AGK: variants seen among roughly 807,000 people sequenced by gnomAD.
AGK encodes acylglycerol kinase.
Under a neutral mutation model 66.4 loss-of-function variants are expected in AGK, and 52 were observed. The ratio of observed to expected loss-of-function variants is 0.78; its 90% CI spans 0.63 to 0.99. AGK has a LOEUF of 0.99. Ranked by LOEUF, AGK falls within the 50% of genes least tolerant of loss-of-function variation. The pLI, the probability that AGK is intolerant of heterozygous loss-of-function variation, is 0.00. For synonymous variants in AGK, 182 were observed against 181.1 expected, an observed-to-expected ratio of 1.00 and a Z score of -0.04; for missense variants, 451 against 506.6, an observed-to-expected ratio of 0.89 and a Z score of 1.05.
At chr7:141,621,877 C>A in intron 9 of AGK, 76 bp downstream of exon 9, 1 of 1,092,780 alleles carries the variant, frequency 9.2e-7, no homozygotes, top group Non-Finnish European at 1.4e-6. Flanking sequence ...TAAAATGTAG[C>A]AGTTCAAATG....
At position 141,604,965 on chromosome 7, in the gene AGK, AT is replaced by A. The variant is rs547865876; in HGVS notation, c.297+3698del. ...TTAGGCAACTTTAAAAAATTCCTCA[AT>A]TTTTTTTTTTTTAAGAACGTCCTTC... On this transcript the variant is annotated intron_variant, in intron 5 of 15. Coordinates refer to ENST00000649286, the MANE Select transcript of AGK (RefSeq NM_018238.4). Among the ~76,000 whole-genome samples, 738 of 145,024 alleles carry A rather than the reference AT, an allele frequency of 5.1e-3. 1 individual carries two copies. Among genetic ancestry groups the A allele is most frequent in the African/African-American group, 0.013 (511 of 39,812 alleles).
intron 8 of AGK, among the ~76,000 whole-genome samples, chr7:141,618,261 G>A (rs987544514): frequency 1.3e-5 from 2 of 152,106 alleles, no homozygotes; most frequent in Non-Finnish European, 2.9e-5. Context: ...CATTTGATAC[G>A]TCCAAAGCAG....
intron 2 of AGK, among the ~76,000 whole-genome samples, chr7:141,568,220 A>G (rs1477878001): frequency 6.6e-6 from 1 of 152,166 alleles, no homozygotes; most frequent in African/African-American, 2.4e-5. Flanking sequence ...AGCTTGGAAA[A>G]GTATAGTTTC....
At chr7:141,566,745 TC>T (rs1278521838) in intron 2 of AGK, among the ~76,000 whole-genome samples, 3 of 152,176 alleles carry the variant, frequency 2.0e-5, no homozygotes, top group Non-Finnish European at 2.9e-5. Flanking sequence ...CTGACTCTCA[TC>T]CCATTGTTTC....
chr7:141,591,082 GTTTTTTTTTTTT>G (rs60762855), intron 2 of AGK, among the ~76,000 whole-genome samples: 6 of 61,094 alleles, frequency 9.8e-5, no homozygotes, highest in East Asian at 6.5e-4. Context: ...TTCTTAAGTT[GTTTTTTTTTTTT>G]TTTTTTTTTT....
chr7:141,593,424 C>T, intron 3 of AGK: 1 of 702,194 alleles, frequency 1.4e-6, no homozygotes, highest in Non-Finnish European at 2.6e-6. Context: ...GGATTGGTCC[C>T]AAGAACACAG....
At position 141,555,383 on chromosome 7, in the gene AGK, G is replaced by A; in HGVS notation, c.-14-70G>A. ...AGAGGATAAAAGAATGGAAGACAGAGTAATAGGGACATTACATGAAGACCA... is the reference window on the plus strand; with the variant it reads ...AGAGGATAAAAGAATGGAAGACAGAATAATAGGGACATTACATGAAGACCA... On this transcript the variant is annotated intron_variant, in intron 1 of 15. Transcript: ENST00000649286. The surrounding 1 kb of genome is among the most constrained non-coding windows in gnomAD (Gnocchi z 4.2). The A allele has an allele frequency of 9.6e-7, 1 of 1,045,356 alleles. No homozygotes were observed. Among genetic ancestry groups the A allele is most frequent in the Admixed American group, 2.1e-5 (1 of 46,576 alleles). 64.8% of individuals were successfully genotyped at this position (1,045,356 alleles called of 1,614,324 possible). A position where few individuals can be genotyped will look rare whatever the true frequency, so the allele number is the denominator to read the frequency against.
chr7:141,563,861 A>G lies in AGK; in HGVS notation c.101+8294A>G, dbSNP rs541676756. Among the ~76,000 whole-genome samples the G allele has an allele frequency of 9.2e-5, 14 of 152,206 alleles. No individual in the cohort carries two copies. In the South Asian group the frequency reaches 2.7e-3, roughly 29 times the overall value. On this transcript the variant is annotated intron_variant, in intron 2 of 15. Coordinates refer to ENST00000649286, the MANE Select transcript of AGK (RefSeq NM_018238.4). ...TCTTTTTCATATCGTAGATTCCTTGATCCAACACATCATACGTTCCTCAAC... is the reference window on the plus strand; with the variant it reads ...TCTTTTTCATATCGTAGATTCCTTGGTCCAACACATCATACGTTCCTCAAC...
chr7:141,561,681 C>T (rs930327539), intron 2 of AGK, among the ~76,000 whole-genome samples: 2 of 151,690 alleles, frequency 1.3e-5, no homozygotes, highest in Non-Finnish European at 2.9e-5. Flanking sequence ...ACAAGGACCT[C>T]TTCTCCAAGG....
chr7:141,640,245 A>T (rs190720576), intron 11 of AGK, among the ~76,000 whole-genome samples: 1 of 152,192 alleles, frequency 6.6e-6, no homozygotes, highest in Non-Finnish European at 1.5e-5. Flanking sequence ...AAAGGTGTCC[A>T]TTGAAACAGC....
At chr7:141,575,760 C>A (rs1171582130) in intron 2 of AGK, among the ~76,000 whole-genome samples, 5 of 143,214 alleles carry the variant, frequency 3.5e-5, no homozygotes, top group Non-Finnish European at 7.5e-5. Context: ...GATTTTAGAC[C>A]TGAAAATTGC....
chr7:141,560,896 A>T (rs1237744872), intron 2 of AGK, among the ~76,000 whole-genome samples: 1 of 147,178 alleles, frequency 6.8e-6, no homozygotes, highest in Non-Finnish European at 1.5e-5. Flanking sequence ...TCCCGGCTTC[A>T]TGCCATTCTG....
intron 13 of AGK, among the ~76,000 whole-genome samples, chr7:141,642,166 T>C (rs1271794876): frequency 2.0e-5 from 3 of 152,172 alleles, no homozygotes; most frequent in African/African-American, 7.2e-5. Flanking sequence ...TCAGAGAACT[T>C]AGGGCAAGAG....
intron 2 of AGK, among the ~76,000 whole-genome samples, chr7:141,591,137 G>C (rs947655531): frequency 3.5e-5 from 5 of 143,430 alleles, no homozygotes; most frequent in African/African-American, 1.3e-4. Context: ...TGTAGCCCCA[G>C]GCTGGAGCGC....
In AGK at chr7:141,602,795, T is replaced by G. The variant is rs1388109919; in HGVS notation, c.297+1515T>G. Among the ~76,000 whole-genome samples, 3 of 152,180 alleles carry G rather than the reference T, an allele frequency of 2.0e-5. No individual in the cohort carries two copies. In the South Asian group the frequency reaches 6.2e-4, roughly 32 times the overall value. On this transcript the variant is annotated intron_variant, in intron 5 of 15. Coordinates refer to ENST00000649286, the MANE Select transcript of AGK (RefSeq NM_018238.4). ...TTACCTTCCTTTCTTATTGTATGTA[T>G]TTAAGCTACAGATCCACTCTACTGC...
chr7:141,602,610 T>C (rs1401505166), intron 5 of AGK, among the ~76,000 whole-genome samples: 1 of 152,120 alleles, frequency 6.6e-6, no homozygotes, highest in Non-Finnish European at 1.5e-5. Flanking sequence ...GGTTTGTCAA[T>C]TTAGCCCTTG....
rs1005619739 is a variant in AGK, at chr7:141,651,550, C to A, written c.1072C>A (p.Leu358Met). The change falls in exon 15 of 16, where the codon CTG becomes ATG. Residue 358 changes from leucine (L) to methionine (M), a missense_variant. Physicochemically the swap from Leu to Met is conservative, Grantham distance 15 (BLOSUM62 2). Coordinates refer to ENST00000649286, the MANE Select transcript of AGK (RefSeq NM_018238.4). ...IGSRKVRNPK[L>M]HVEGTECLQA... is the part of the protein sequence containing the mutation. ...AAGTCGAAAGGTGAGAAACCCCAAG[C>A]TGCACGTGGAGGGCACGGAGTGTCT... The A allele has an allele frequency of 6.2e-7, 1 of 1,614,230 alleles. No homozygotes were observed. The highest frequency in any genetic ancestry group is 8.5e-7 in the Non-Finnish European group (1 of 1,180,034).
In AGK at chr7:141,649,323, A is replaced by T. The variant is rs1374681155; in HGVS notation, c.1036A>T (p.Ile346Leu). 1.2e-6 allele frequency: 2 copies of T among 1,611,890 alleles called. No homozygotes were observed. Among genetic ancestry groups the T allele is most frequent in the East Asian group, 2.2e-5 (1 of 44,850 alleles). ...EPDTISKGDFITIGSRKVRNP... is the reference protein window; with the variant it reads ...EPDTISKGDFLTIGSRKVRNP... ...TGACACCATCAGCAAAGGAGACTTT[A>T]TAACTATAGGGTAAGTGGACTGGGG... The change falls in exon 14 of 16, where the codon ATA becomes TTA. Residue 346 changes from isoleucine to leucine, a missense_variant. By Grantham distance (5) the Ile-to-Leu change is conservative. Coordinates refer to ENST00000649286, the MANE Select transcript of AGK (RefSeq NM_018238.4).
intron 11 of AGK, 36 bp from the exon 12 acceptor site, chr7:141,641,212 A>C (rs780786634): frequency 6.3e-7 from 1 of 1,592,092 alleles, no homozygotes; most frequent in South Asian, 1.1e-5. Flanking sequence ...GGAATTGTAC[A>C]TGCATAACAA....
Sources: allele counts gnomAD v4.1 joint callset (sites outside exome capture counted in the v4.1 genomes callset), GRCh38; gene constraint gnomAD v4.1.1; non-coding constraint Gnocchi (gnomAD v3.1); transcripts MANE v1.5; gene names NCBI Gene and HGNC (gene_info 2026-07-23, HGNC 2026-07-21).